The following TENM3 variants were observed in gnomAD, a reference collection of about 807,000 sequenced individuals.
TENM3 encodes teneurin-3.
Under a neutral mutation model 255.1 loss-of-function variants are expected in TENM3, and 63 were observed. The observed-to-expected ratio is 0.25, with a 90% CI of 0.20 to 0.30. The LOEUF is 0.30. TENM3 is among the 10% of genes least tolerant of loss of function. The pLI, the probability that TENM3 is intolerant of heterozygous loss-of-function variation, is 1.00. For synonymous variants in TENM3, 1,306 were observed against 1,322.3 expected, an observed-to-expected ratio of 0.99 and a Z score of 0.27; for missense variants, 2,929 against 3,461.1, an observed-to-expected ratio of 0.85 and a Z score of 3.86.
At chr4:182,334,807 AG>A (rs1306577990) in intron 2 of TENM3, among the ~76,000 whole-genome samples, 10 of 152,210 alleles carry the variant, frequency 6.6e-5, no homozygotes, top group Admixed American at 5.2e-4. Flanking sequence ...GATGGATTAA[AG>A]ACAAATGTAA....
rs183619396 is a variant in TENM3, at chr4:182,219,129, G to C, written c.-76+74375G>C. On this transcript the variant is annotated intron_variant, in intron 1 of 2. Coordinates refer to the TENM3 transcript ENST00000512480. ...CTCAGCTACTCGGGAGGCTGAGGCA[G>C]GTGAATCGCTTGAACCTGGGAGGCG... Among the ~76,000 whole-genome samples, 641 of 152,302 alleles carry C rather than the reference G, an allele frequency of 4.2e-3. 16 individuals are homozygous for C. The highest frequency in any genetic ancestry group is 0.036 in the Admixed American group (552 of 15,298).
intron 22 of TENM3, among the ~76,000 whole-genome samples, chr4:182,761,846 AT>A (rs1763227392): frequency 6.6e-6 from 1 of 152,168 alleles, no homozygotes; most frequent in African/African-American, 2.4e-5. Context: ...GTTTTGTTTA[AT>A]TGCTTAATAA....
intron 5 of TENM3, among the ~76,000 whole-genome samples, chr4:182,643,854 A>C (rs1415927847): frequency 2.0e-5 from 3 of 152,160 alleles, no homozygotes; most frequent in Non-Finnish European, 4.4e-5. Flanking sequence ...GCTTTGATGA[A>C]GTTTTGAGGT....
At chr4:182,288,640 C>G (rs1253449922) in intron 1 of TENM3, among the ~76,000 whole-genome samples, 1 of 152,184 alleles carries the variant, frequency 6.6e-6, no homozygotes, top group Non-Finnish European at 1.5e-5. Flanking sequence ...AGACTAGGTA[C>G]TGCCATTTCC....
chr4:181,716,827 A>G, the TENM3 span, among the ~76,000 whole-genome samples: 12 of 152,152 alleles, frequency 7.9e-5, no homozygotes, highest in Admixed American at 3.3e-4. Context: ...AAAACAAGAA[A>G]TTTCATCAGT....
the TENM3 span, among the ~76,000 whole-genome samples, chr4:181,495,776 G>A: frequency 6.6e-6 from 1 of 151,752 alleles, no homozygotes; most frequent in Non-Finnish European, 1.5e-5. Context: ...GAAAATATGG[G>A]GATGCATGAG....
chr4:182,436,556 G>A (rs935679879), intron 3 of TENM3, among the ~76,000 whole-genome samples: 3 of 152,162 alleles, frequency 2.0e-5, no homozygotes, highest in African/African-American at 4.8e-5. Flanking sequence ...ATAAGACACC[G>A]AATCATTGGA....
At chr4:181,488,062 G>T in the TENM3 span, among the ~76,000 whole-genome samples, 1 of 152,332 alleles carries the variant, frequency 6.6e-6, no homozygotes, top group East Asian at 1.9e-4. Context: ...ATTCTAGAGG[G>T]AAGGTTGTAG....
chr4:181,553,335 T>TACAC, the TENM3 span, among the ~76,000 whole-genome samples: 5 of 140,904 alleles, frequency 3.5e-5, no homozygotes, highest in East Asian at 2.0e-4. Context: ...TATATATATA[T>TACAC]ACACACACAC....
chr4:181,685,695 C>T, the TENM3 span, among the ~76,000 whole-genome samples: 1 of 152,178 alleles, frequency 6.6e-6, no homozygotes, highest in South Asian at 2.1e-4. Flanking sequence ...GACGGATGGG[C>T]ACCCTGCCCC....
At chr4:182,237,718 C>T (rs1319355376) in intron 1 of TENM3, among the ~76,000 whole-genome samples, 3 of 152,166 alleles carry the variant, frequency 2.0e-5, no homozygotes, top group Non-Finnish European at 4.4e-5. Context: ...TGAGGCCATA[C>T]CTGGCAATTA....
chr4:182,484,829 G>A (rs528126081), intron 3 of TENM3, among the ~76,000 whole-genome samples: 13 of 151,950 alleles, frequency 8.6e-5, no homozygotes, highest in African/African-American at 3.1e-4. Context: ...GGAATTATAA[G>A]ACAAAATTAA....
the TENM3 span, among the ~76,000 whole-genome samples, chr4:181,872,350 A>ATTG: frequency 1.1e-3 from 131 of 115,692 alleles, 1 homozygote; most frequent in African/African-American, 3.8e-3. Flanking sequence ...GTTCAGGGGT[A>ATTG]CATGTGCAGG....
At chr4:181,994,535 GT>G in the TENM3 span, among the ~76,000 whole-genome samples, 16 of 133,002 alleles carry the variant, frequency 1.2e-4, no homozygotes, top group African/African-American at 4.2e-4. Flanking sequence ...TTGTTTGTTG[GT>G]TTTTTTGTTT....
chr4:182,017,078 C>A, the TENM3 span, among the ~76,000 whole-genome samples: 1 of 152,328 alleles, frequency 6.6e-6, no homozygotes, highest in African/African-American at 2.4e-5. Context: ...AAAATTAAGT[C>A]TTTTGCTGAT....
chr4:181,925,833 A>G, the TENM3 span, among the ~76,000 whole-genome samples: 1 of 152,162 alleles, frequency 6.6e-6, no homozygotes, highest in Non-Finnish European at 1.5e-5. Flanking sequence ...AGCTTTCCTG[A>G]TGTTACAGTT....
chr4:181,449,723 G>A, the TENM3 span, among the ~76,000 whole-genome samples: 3 of 152,130 alleles, frequency 2.0e-5, no homozygotes, highest in Non-Finnish European at 4.4e-5. Context: ...GAAGGCCGAG[G>A]TTGCAATGAG....
At chr4:182,606,871 G>A (rs1022452973) in intron 4 of TENM3, among the ~76,000 whole-genome samples, 1 of 152,112 alleles carries the variant, frequency 6.6e-6, no homozygotes, top group African/African-American at 2.4e-5. Context: ...TCATTCTCAG[G>A]AGTCAGTATT....
the TENM3 span, among the ~76,000 whole-genome samples, chr4:181,748,316 A>C: frequency 1.3e-5 from 2 of 152,108 alleles, no homozygotes; most frequent in Non-Finnish European, 2.9e-5. Context: ...ATTCTCCGGT[A>C]GAATTTAAAG....
Sources: allele counts gnomAD v4.1 joint callset (sites outside exome capture counted in the v4.1 genomes callset), GRCh38; gene constraint gnomAD v4.1.1; transcripts MANE v1.5; gene names NCBI Gene and HGNC (gene_info 2026-07-23, HGNC 2026-07-21).